The following HCN1 variants were observed in gnomAD, a reference collection of about 807,000 sequenced individuals.
The protein encoded by HCN1 is potassium/sodium hyperpolarization-activated cyclic nucleotide-gated channel 1.
Under a neutral mutation model 78.9 loss-of-function variants are expected in HCN1, and 13 were observed. The observed-to-expected ratio is 0.16, with a 90% CI of 0.11 to 0.26. The LOEUF (loss-of-function observed/expected upper bound fraction) is 0.26. Ranked by LOEUF, HCN1 falls within the 10% of genes least tolerant of loss-of-function variation. HCN1 has a pLI of 1.00. For missense variants in HCN1, 810 were observed against 1,154.3 expected (o/e 0.70, Z 4.32); for synonymous variants, 552 against 455.5 (o/e 1.21, Z -2.70).
chr5:45,534,435 A>AAAAAAAAAAAAAAAAAG (rs1742923560), intron 2 of HCN1, among the ~76,000 whole-genome samples: 1 of 141,506 alleles, frequency 7.1e-6, no homozygotes, highest in African/African-American at 2.6e-5. Flanking sequence ...AAAAAAAAAA[A>AAAAAAAAAAAAAAAAAG]AAAAAAAAAA....
chr5:45,292,830 C>T (rs563857412), intron 6 of HCN1, among the ~76,000 whole-genome samples: 13 of 152,118 alleles, frequency 8.5e-5, no homozygotes, highest in African/African-American at 2.9e-4. Context: ...CCCATCTACT[C>T]ATTCTTTATA....
intron 2 of HCN1, among the ~76,000 whole-genome samples, chr5:45,568,835 T>C (rs892061724): frequency 6.6e-6 from 1 of 152,126 alleles, no homozygotes; most frequent in Non-Finnish European, 1.5e-5. Context: ...TATGGTATCT[T>C]GGCAAACTAA....
intron 2 of HCN1, among the ~76,000 whole-genome samples, chr5:45,531,124 C>T (rs116586924): frequency 6.6e-6 from 1 of 151,958 alleles, no homozygotes; most frequent in African/African-American, 2.4e-5. Context: ...GTCATGCTTA[C>T]AATTGTATCA....
intron 2 of HCN1, among the ~76,000 whole-genome samples, chr5:45,513,354 G>A (rs927037836): frequency 2.0e-5 from 3 of 152,086 alleles, no homozygotes; most frequent in Admixed American, 1.3e-4. Flanking sequence ...AGAAGGAGGG[G>A]TGCAGGAAGG....
intron 2 of HCN1, among the ~76,000 whole-genome samples, chr5:45,524,452 A>G (rs1742686062): frequency 6.6e-6 from 1 of 152,180 alleles, no homozygotes. Context: ...TACCTTGGGC[A>G]GTATGGCCAT....
chr5:45,502,507 G>T (rs1253131471), intron 2 of HCN1, among the ~76,000 whole-genome samples: 1 of 152,048 alleles, frequency 6.6e-6, no homozygotes, highest in East Asian at 1.9e-4. Context: ...CTAAAATATT[G>T]ACTCTGCCAC....
At chr5:45,338,267 T>G (rs978284777) in intron 5 of HCN1, among the ~76,000 whole-genome samples, 1 of 152,162 alleles carries the variant, frequency 6.6e-6, no homozygotes, top group African/African-American at 2.4e-5. Flanking sequence ...GACCTATTCC[T>G]CACTTTTATA....
intron 5 of HCN1, among the ~76,000 whole-genome samples, chr5:45,315,343 A>G (rs1448797199): frequency 1.3e-5 from 2 of 152,204 alleles, no homozygotes; most frequent in Admixed American, 6.5e-5. Context: ...GAAGGCAGAA[A>G]TAAAGATGTC....
chr5:45,466,819 A>G (rs1221613748), intron 2 of HCN1, among the ~76,000 whole-genome samples: 1 of 152,132 alleles, frequency 6.6e-6, no homozygotes, highest in Admixed American at 6.6e-5. Flanking sequence ...TTTACTTCAT[A>G]TGAGAGAATA....
chr5:45,306,517 A>C (rs1403844059), intron 5 of HCN1, among the ~76,000 whole-genome samples: 1 of 152,070 alleles, frequency 6.6e-6, no homozygotes, highest in Non-Finnish European at 1.5e-5. Context: ...ACCTGATTAA[A>C]ACTGTAAATT....
intron 2 of HCN1, among the ~76,000 whole-genome samples, chr5:45,490,335 G>A (rs766474055): frequency 1.3e-5 from 2 of 152,118 alleles, no homozygotes; most frequent in Non-Finnish European, 2.9e-5. Flanking sequence ...CTATAAATTT[G>A]TGTTTTTCCA....
chr5:45,555,219 A>G (rs1743446676), intron 2 of HCN1, among the ~76,000 whole-genome samples: 1 of 151,932 alleles, frequency 6.6e-6, no homozygotes, highest in Non-Finnish European at 1.5e-5. Context: ...TCAACATACA[A>G]AAATCAGTAG....
chr5:45,695,584 C>T (rs1250473910), intron 1 of HCN1, 85 bp downstream of exon 1: 7 of 1,392,020 alleles, frequency 5.0e-6, no homozygotes, highest in South Asian at 2.4e-5. Flanking sequence ...CTCCTAGTCC[C>T]CGGGACGCCC....
At chr5:45,513,763 A>G (rs180937449) in intron 2 of HCN1, among the ~76,000 whole-genome samples, 1 of 152,262 alleles carries the variant, frequency 6.6e-6, no homozygotes, top group East Asian at 1.9e-4. Context: ...CTGTGGAAAA[A>G]TTGTTTTCCA....
At chr5:45,656,660 A>T (rs1745768772) in intron 1 of HCN1, among the ~76,000 whole-genome samples, 1 of 152,190 alleles carries the variant, frequency 6.6e-6, no homozygotes, top group African/African-American at 2.4e-5. Flanking sequence ...TTTGCTCCTA[A>T]TATATTTTCA....
chr5:45,269,248 A>G (rs1165062961), intron 6 of HCN1, among the ~76,000 whole-genome samples: 1 of 152,224 alleles, frequency 6.6e-6, no homozygotes, highest in African/African-American at 2.4e-5. Context: ...CACTTGGTAA[A>G]TTTACTTAAA....
intron 1 of HCN1, among the ~76,000 whole-genome samples, chr5:45,657,334 G>A (rs916732257): frequency 2.0e-5 from 3 of 152,144 alleles, no homozygotes; most frequent in African/African-American, 7.2e-5. Flanking sequence ...AACAAGAAAT[G>A]TTTTTGTCCT....
chr5:45,361,954 T>C (rs995963441), intron 4 of HCN1, among the ~76,000 whole-genome samples: 13 of 152,146 alleles, frequency 8.5e-5, no homozygotes, highest in African/African-American at 3.1e-4. Flanking sequence ...AAATTGTCTG[T>C]CTAAAACATC....
intron 7 of HCN1, among the ~76,000 whole-genome samples, chr5:45,263,878 C>T (rs577040615): frequency 6.6e-6 from 1 of 152,292 alleles, no homozygotes; most frequent in South Asian, 2.1e-4. Flanking sequence ...ACTGCAAGCT[C>T]TGCCTCCCGG....
Sources: allele counts gnomAD v4.1 joint callset (sites outside exome capture counted in the v4.1 genomes callset), GRCh38; gene constraint gnomAD v4.1.1; transcripts MANE v1.5; gene names NCBI Gene and HGNC (gene_info 2026-07-23, HGNC 2026-07-21).